Variants in POU3F3 observed in about 807,000 individuals in gnomAD.
The protein encoded by POU3F3 is POU class 3 homeobox 3, also known as POU domain, class 3, transcription factor 3.
A neutral mutation model predicts 8.6 loss-of-function variants in POU3F3; 1 was observed. The observed-to-expected ratio is 0.12, with a 90% CI of 0.04 to 0.55. The LOEUF is 0.55. Ranked by LOEUF, POU3F3 falls within the 20% of genes least tolerant of loss-of-function variation. The pLI, the probability that POU3F3 is intolerant of heterozygous loss-of-function variation, is 0.91. For missense variants in POU3F3, 577 were observed against 690.7 expected (o/e 0.84, Z 1.84); for synonymous variants, 418 against 327.4 (o/e 1.28, Z -2.99).
chr2:104,880,960 A>G, the POU3F3 span, among the ~76,000 whole-genome samples: 2 of 152,234 alleles, frequency 1.3e-5, no homozygotes, highest in Admixed American at 6.5e-5. Context: ...AAGAGTCCAT[A>G]AGACAAAGAC....
chr2:104,922,785 A>G, the POU3F3 span, among the ~76,000 whole-genome samples: 20 of 152,322 alleles, frequency 1.3e-4, 1 homozygote, highest in Admixed American at 6.5e-4. Context: ...ATTTTATGGA[A>G]GACATAAACA....
chr2:104,859,325 C>T (rs1374222840), downstream of POU3F3, among the ~76,000 whole-genome samples: 1 of 152,106 alleles, frequency 6.6e-6, no homozygotes, highest in Non-Finnish European at 1.5e-5. Flanking sequence ...ATAAACCCTG[C>T]AGAGTGGTCA....
At chr2:104,878,117 TA>T in the POU3F3 span, among the ~76,000 whole-genome samples, 1 of 152,170 alleles carries the variant, frequency 6.6e-6, no homozygotes, top group East Asian at 1.9e-4. Flanking sequence ...ACTGGCTGAT[TA>T]GTAGCTGGTT....
chr2:104,904,475 T>C, the POU3F3 span, among the ~76,000 whole-genome samples: 1 of 152,006 alleles, frequency 6.6e-6, no homozygotes, highest in African/African-American at 2.4e-5. Flanking sequence ...TATTAATGAG[T>C]ATATACTGCA....
At chr2:104,861,269 T>C (rs1346686676), downstream of POU3F3, among the ~76,000 whole-genome samples, 2 of 152,216 alleles carry the variant, frequency 1.3e-5, no homozygotes, top group African/African-American at 4.8e-5. Flanking sequence ...AAACATTCTC[T>C]CCACATGGAG....
the POU3F3 span, chr2:104,926,056 T>TGACAAAAACACAAAAAGCAATTGC: frequency 6.6e-6 from 1 of 152,198 alleles, no homozygotes; most frequent in Non-Finnish European, 1.5e-5. Context: ...AAAGACTTCA[T>TGACAAAAACACAAAAAGCAATTGC]GACAAAAACA....
At chr2:104,890,002 C>G in the POU3F3 span, among the ~76,000 whole-genome samples, 1 of 152,124 alleles carries the variant, frequency 6.6e-6, no homozygotes, top group African/African-American at 2.4e-5. Flanking sequence ...AGGCAGCGCA[C>G]AGCAGTGCCT....
At chr2:104,916,097 T>C in the POU3F3 span, among the ~76,000 whole-genome samples, 1 of 152,186 alleles carries the variant, frequency 6.6e-6, no homozygotes, top group East Asian at 1.9e-4. Flanking sequence ...AATTTTAATA[T>C]TTGTGCCATC....
the POU3F3 span, among the ~76,000 whole-genome samples, chr2:104,913,937 A>T: frequency 1.3e-5 from 2 of 152,212 alleles, no homozygotes; most frequent in Non-Finnish European, 2.9e-5. Context: ...AGGCTCATTC[A>T]CAGTGAATGT....
the POU3F3 span, among the ~76,000 whole-genome samples, chr2:104,880,509 C>T: frequency 6.6e-6 from 1 of 152,170 alleles, no homozygotes; most frequent in East Asian, 1.9e-4. Context: ...TGTGCCCAAC[C>T]ATGCTGCAGT....
chr2:104,922,262 G>C, the POU3F3 span, among the ~76,000 whole-genome samples: 1 of 151,394 alleles, frequency 6.6e-6, no homozygotes, highest in Non-Finnish European at 1.5e-5. Flanking sequence ...AAAATCATAA[G>C]GCATACAAAG....
the POU3F3 span, among the ~76,000 whole-genome samples, chr2:104,881,110 C>A: frequency 1.5e-3 from 218 of 149,366 alleles, 1 homozygote; most frequent in African/African-American, 4.9e-3. Flanking sequence ...CTCTTTCTTT[C>A]TTTATTTCTT....
the POU3F3 span, among the ~76,000 whole-genome samples, chr2:104,875,353 A>C: frequency 6.6e-6 from 1 of 152,234 alleles, no homozygotes; most frequent in Non-Finnish European, 1.5e-5. Flanking sequence ...GCGTGTACCC[A>C]GAAGTAGAAT....
chr2:104,925,130 T>C, the POU3F3 span, among the ~76,000 whole-genome samples: 1 of 152,220 alleles, frequency 6.6e-6, no homozygotes, highest in Non-Finnish European at 1.5e-5. Context: ...TAGGGTTTTC[T>C]TCTCTGGGTT....
At chr2:104,873,949 A>G in the POU3F3 span, among the ~76,000 whole-genome samples, 4 of 152,184 alleles carry the variant, frequency 2.6e-5, no homozygotes, top group African/African-American at 4.8e-5. Context: ...ACCCGGTGTC[A>G]TGCAAGCTCT....
chr2:104,864,629 T>C, the POU3F3 span, among the ~76,000 whole-genome samples: 1 of 152,190 alleles, frequency 6.6e-6, no homozygotes, highest in Non-Finnish European at 1.5e-5. Flanking sequence ...ATGTATGTAA[T>C]TCATTAATGG....
At chr2:104,859,136 G>GTT (rs34951550), downstream of POU3F3, among the ~76,000 whole-genome samples, 1 of 151,902 alleles carries the variant, frequency 6.6e-6, no homozygotes, top group African/African-American at 2.4e-5. Context: ...AGCTTTTTGG[G>GTT]TTTTTTCCCC....
chr2:104,897,071 G>C, the POU3F3 span, among the ~76,000 whole-genome samples: 1 of 152,166 alleles, frequency 6.6e-6, no homozygotes, highest in African/African-American at 2.4e-5. Flanking sequence ...CAGCACACCC[G>C]TGTCAGGAAT....
the POU3F3 span, among the ~76,000 whole-genome samples, chr2:104,879,707 C>T: frequency 1.2e-4 from 19 of 152,086 alleles, no homozygotes. Flanking sequence ...GCCCCTGTGG[C>T]CTCTCTCTTT....
Sources: allele counts gnomAD v4.1 joint callset (sites outside exome capture counted in the v4.1 genomes callset), GRCh38; gene constraint gnomAD v4.1.1; transcripts MANE v1.5; gene names NCBI Gene and HGNC (gene_info 2026-07-23, HGNC 2026-07-21).